Variants in B3GALT1 observed in about 807,000 individuals in gnomAD.
B3GALT1 encodes the protein UDP-Gal:betaGlcNAc beta 1,3-galactosyltransferase, polypeptide 1.
B3GALT1 carries 10 observed loss-of-function variants against 23.2 expected under a neutral mutation model. The observed-to-expected ratio is 0.43, with a 90% CI of 0.27 to 0.73. B3GALT1 has a LOEUF of 0.73. Among genes scored for constraint, B3GALT1 ranks in the 30% least tolerant of loss-of-function variants. The pLI is 0.21. For synonymous variants in B3GALT1, 156 were observed against 141.5 expected, an observed-to-expected ratio of 1.10 and a Z score of -0.73; for missense variants, 299 against 405.4, an observed-to-expected ratio of 0.74 and a Z score of 2.25.
intron 3 of B3GALT1, among the ~76,000 whole-genome samples, chr2:167,792,293 C>T (rs1488470238): frequency 6.6e-6 from 1 of 152,204 alleles, no homozygotes; most frequent in Admixed American, 6.5e-5. Flanking sequence ...TAAGCACCTA[C>T]TGTGAGCAGA....
chr2:167,348,390 T>A (rs990666935), intron 1 of B3GALT1, among the ~76,000 whole-genome samples: 1 of 152,164 alleles, frequency 6.6e-6, no homozygotes, highest in African/African-American at 2.4e-5. Context: ...TTTTTGAGCA[T>A]TACTACCTTT....
chr2:167,529,111 C>T (rs1248845938), intron 2 of B3GALT1, among the ~76,000 whole-genome samples: 2 of 152,072 alleles, frequency 1.3e-5, no homozygotes, highest in Non-Finnish European at 2.9e-5. Context: ...CTTTATGTGT[C>T]AAAAAATTTG....
chr2:167,677,506 C>T (rs1215717734), intron 3 of B3GALT1, among the ~76,000 whole-genome samples: 3 of 152,238 alleles, frequency 2.0e-5, no homozygotes, highest in African/African-American at 7.2e-5. Context: ...TCTCAGGAAA[C>T]TGCTGACCTC....
intron 1 of B3GALT1, among the ~76,000 whole-genome samples, chr2:167,298,436 A>G (rs767367752): frequency 4.6e-5 from 7 of 152,094 alleles, no homozygotes; most frequent in Non-Finnish European, 1.0e-4. Context: ...ATACTATTAC[A>G]TTGTGTTAAT....
intron 1 of B3GALT1, among the ~76,000 whole-genome samples, chr2:167,344,941 C>T (rs1336578252): frequency 6.6e-6 from 1 of 152,138 alleles, no homozygotes; most frequent in African/African-American, 2.4e-5. Context: ...ACTGGATTTA[C>T]ACAGACTATA....
In B3GALT1 at chr2:167,801,131, A is replaced by G. The variant is rs531035233; in HGVS notation, c.-351-17541A>G. On this transcript the variant is annotated intron_variant, in intron 3 of 4. Transcript: ENST00000392690. ...TTGGCTAGAATGCATAGTTATAGAC[A>G]TAGTCTTGAATACAATACTGCAAAC... Among the ~76,000 whole-genome samples the G allele has an allele frequency of 2.6e-5, 4 of 152,376 alleles. No individual in the cohort carries two copies. The East Asian group carries it at 7.7e-4, about 29-fold the overall frequency.
chr2:167,843,158 TAAGTAAA>T (rs988781515), intron 4 of B3GALT1, among the ~76,000 whole-genome samples: 15 of 152,152 alleles, frequency 9.9e-5, no homozygotes, highest in Non-Finnish European at 1.8e-4. Flanking sequence ...AAAATCCTGA[TAAGTAAA>T]AAGTAAAAGT....
chr2:167,839,253 T>G (rs370523666), intron 4 of B3GALT1, among the ~76,000 whole-genome samples: 2,680 of 151,882 alleles, frequency 0.018, no homozygotes, highest in Middle Eastern at 0.055. Context: ...TGTTTGCAGA[T>G]GACATGATTG....
chr2:167,587,584 A>G (rs1684603942), intron 2 of B3GALT1, among the ~76,000 whole-genome samples: 1 of 152,220 alleles, frequency 6.6e-6, no homozygotes, highest in Non-Finnish European at 1.5e-5. Flanking sequence ...GGACACTCCC[A>G]AGGTACTCCA....
At chr2:167,419,560 A>G (rs549662481) in intron 1 of B3GALT1, among the ~76,000 whole-genome samples, 2 of 152,318 alleles carry the variant, frequency 1.3e-5, no homozygotes, top group African/African-American at 4.8e-5. Context: ...AGAAAATATA[A>G]AAGACAATTA....
At chr2:167,638,828 T>C (rs961571774) in intron 2 of B3GALT1, among the ~76,000 whole-genome samples, 1 of 151,990 alleles carries the variant, frequency 6.6e-6, no homozygotes, top group African/African-American at 2.4e-5. Flanking sequence ...GTTAATAGAG[T>C]CCATTAATAC....
intron 3 of B3GALT1, among the ~76,000 whole-genome samples, chr2:167,698,985 A>C (rs1435233852): frequency 6.6e-6 from 1 of 152,262 alleles, no homozygotes; most frequent in African/African-American, 2.4e-5. Context: ...GTTCAGAACA[A>C]AAATGACGAG....
At chr2:167,846,749 T>A (rs1015563615) in intron 4 of B3GALT1, among the ~76,000 whole-genome samples, 1 of 152,154 alleles carries the variant, frequency 6.6e-6, no homozygotes, top group Non-Finnish European at 1.5e-5. Flanking sequence ...AATGCAACGG[T>A]GCCTCACATT....
chr2:167,521,989 T>TATATATATATATATATATACAC (rs1700195581), intron 2 of B3GALT1, among the ~76,000 whole-genome samples: 5 of 136,474 alleles, frequency 3.7e-5, no homozygotes, highest in South Asian at 2.2e-4. Flanking sequence ...TGTGTGTATA[T>TATATATATATATATATATACAC]ATATATATAT....
chr2:167,797,147 C>T (rs1201220082), intron 3 of B3GALT1, among the ~76,000 whole-genome samples: 1 of 152,142 alleles, frequency 6.6e-6, no homozygotes, highest in Non-Finnish European at 1.5e-5. Flanking sequence ...CCCCAACAGG[C>T]CCCAGTGTGT....
At chr2:167,302,906 A>G (rs1041985135) in intron 1 of B3GALT1, among the ~76,000 whole-genome samples, 5 of 152,212 alleles carry the variant, frequency 3.3e-5, no homozygotes, top group African/African-American at 1.2e-4. Flanking sequence ...CTCACAAATT[A>G]TAACTGAAAG....
rs35378344 is a variant in B3GALT1, at chr2:167,491,483, C to CTTTTT, written c.-410+1219_-410+1223dup. On this transcript the variant is annotated intron_variant, in intron 2 of 4. Transcript: ENST00000392690. ...TTCTGTGTCTTTGGTTTTACTTTTGCTTTTTTTTTTTTTTTTTCATTAACA... is the reference window on the plus strand; with the variant it reads ...TTCTGTGTCTTTGGTTTTACTTTTGCTTTTTTTTTTTTTTTTTTTTTTCATTAACA... Among the ~76,000 whole-genome samples the CTTTTT allele has an allele frequency of 2.3e-3, 283 of 121,972 alleles. 1 individual carries two copies. The highest frequency in any genetic ancestry group is 0.015 in the South Asian group (54 of 3,578). 80.0% of individuals were successfully genotyped at this position (121,972 alleles called of 152,430 possible).
At chr2:167,759,810 T>C (rs1341175221) in intron 3 of B3GALT1, among the ~76,000 whole-genome samples, 1 of 152,292 alleles carries the variant, frequency 6.6e-6, no homozygotes, top group East Asian at 1.9e-4. Context: ...GGTAAGCTAC[T>C]GTGTTATCTT....
At chr2:167,802,767 C>T (rs1574269730) in intron 3 of B3GALT1, among the ~76,000 whole-genome samples, 1 of 152,036 alleles carries the variant, frequency 6.6e-6, no homozygotes, top group Non-Finnish European at 1.5e-5. Flanking sequence ...GTTAGAGCAA[C>T]GCATGTAATC....
Sources: gnomAD v4.1 joint callset for allele counts (sites outside exome capture counted in the v4.1 genomes callset) on GRCh38, gnomAD v4.1.1 for gene constraint, MANE v1.5 for transcripts, NCBI Gene and HGNC (gene_info 2026-07-23, HGNC 2026-07-21) for gene names.